Variants in NEK6 observed in about 807,000 individuals in gnomAD.
NEK6 encodes NIMA related kinase 6.
A neutral mutation model predicts 43.5 loss-of-function variants in NEK6; 27 were observed. That is an observed-to-expected ratio of 0.62 (90% CI 0.46 to 0.86). The LOEUF (loss-of-function observed/expected upper bound fraction) is 0.86. NEK6 is among the 40% of genes least tolerant of loss of function. The pLI is 0.00. For synonymous variants in NEK6, 167 were observed against 164.1 expected (o/e 1.02, Z -0.14); for missense variants, 318 against 414.4 (o/e 0.77, Z 2.02).
At chr9:124,264,521 AC>A (rs768606310) in intron 1 of NEK6, among the ~76,000 whole-genome samples, 1 of 152,224 alleles carries the variant, frequency 6.6e-6, no homozygotes, top group Non-Finnish European at 1.5e-5. Context: ...TGTAAAAATC[AC>A]AAAGACCAGG....
chr9:124,303,149 G>A (rs1833083323), intron 2 of NEK6, among the ~76,000 whole-genome samples: 1 of 152,248 alleles, frequency 6.6e-6, no homozygotes, highest in Admixed American at 6.5e-5. Flanking sequence ...CAGAGAGCTT[G>A]TCTGGGCAGG....
intron 2 of NEK6, among the ~76,000 whole-genome samples, chr9:124,304,406 C>T (rs1182685650): frequency 6.6e-6 from 1 of 152,212 alleles, no homozygotes; most frequent in Non-Finnish European, 1.5e-5. Context: ...CCGCACCCAG[C>T]TCTCCGTCTC....
chr9:124,263,716 A>G (rs2118865102), intron 1 of NEK6, among the ~76,000 whole-genome samples: 1 of 152,322 alleles, frequency 6.6e-6, no homozygotes, highest in South Asian at 2.1e-4. Context: ...ACCCCTCTGG[A>G]TTCCACCAGA....
Position 124,350,391 on chromosome 9 carries a change from C to T in NEK6, c.832-446C>T, listed in dbSNP as rs1224639994. 3.1e-5 allele frequency among the ~76,000 whole-genome samples: 4 copies of T among 127,650 alleles called. No homozygotes were observed. In the Admixed American group the frequency reaches 3.2e-4, roughly 10 times the overall value. 83.7% of individuals were successfully genotyped at this position (127,650 alleles called of 152,430 possible). On this transcript the variant is annotated intron_variant, in intron 9 of 9. Transcript: ENST00000320246. ...TCTTTCATGAGCACAATAAAGGGGC[C>T]GGGGGTGGGCAGACTGCAGCCCTGC...
intron 4 of NEK6, among the ~76,000 whole-genome samples, chr9:124,317,779 A>G (rs546037850): frequency 1.3e-5 from 2 of 152,290 alleles, no homozygotes; most frequent in South Asian, 2.1e-4. Context: ...CATGCAGTAT[A>G]GATATGTTTC....
At chr9:124,260,149 C>T (rs1339904307) in intron 1 of NEK6, among the ~76,000 whole-genome samples, 1 of 152,110 alleles carries the variant, frequency 6.6e-6, no homozygotes, top group Non-Finnish European at 1.5e-5. Context: ...GGGCAGAATC[C>T]GAAGTCACCT....
chr9:124,331,424 A>T (rs1828993298), intron 7 of NEK6, among the ~76,000 whole-genome samples: 1 of 151,886 alleles, frequency 6.6e-6, no homozygotes, highest in African/African-American at 2.4e-5. Context: ...CCCACGGGAA[A>T]TCAGCTCAAG....
intron 1 of NEK6, among the ~76,000 whole-genome samples, chr9:124,288,965 G>A (rs1832279419): frequency 1.3e-5 from 2 of 152,090 alleles, no homozygotes; most frequent in South Asian, 4.1e-4. Context: ...GTACATTGGG[G>A]TTTTTTGGTT....
At chr9:124,294,910 A>C (rs564383540) in intron 1 of NEK6, among the ~76,000 whole-genome samples, 19 of 152,340 alleles carry the variant, frequency 1.2e-4, no homozygotes, top group African/African-American at 4.6e-4. Flanking sequence ...CAAGGCCAGC[A>C]CAGAGTGGAG....
At chr9:124,319,352 A>T (rs754095896) in intron 4 of NEK6, among the ~76,000 whole-genome samples, 1 of 151,874 alleles carries the variant, frequency 6.6e-6, no homozygotes, top group African/African-American at 2.4e-5. Context: ...TCTGGACATT[A>T]GTCCTTTGTC....
intron 1 of NEK6, chr9:124,262,794 G>A (rs2282086): frequency 0.15 from 22,229 of 152,286 alleles, 1,722 homozygotes; most frequent in East Asian, 0.18. Flanking sequence ...TAAGAAAAAA[G>A]GGGCTTTATG....
intron 4 of NEK6, among the ~76,000 whole-genome samples, chr9:124,314,507 T>G (rs1394764743): frequency 6.6e-6 from 1 of 151,764 alleles, no homozygotes; most frequent in Non-Finnish European, 1.5e-5. Context: ...GGTTTTTTTT[T>G]TATTTTAGAG....
At chr9:124,293,673 G>A (rs930628118) in intron 1 of NEK6, among the ~76,000 whole-genome samples, 3 of 152,186 alleles carry the variant, frequency 2.0e-5, no homozygotes, top group Admixed American at 6.5e-5. Context: ...AGGTTTCTTG[G>A]GGTTGCAGGA....
At chr9:124,257,665 A>AGAC (rs1334620372), upstream of NEK6, 6 of 1,526,688 alleles carry the variant, frequency 3.9e-6, no homozygotes, top group Admixed American at 1.2e-4. Flanking sequence ...GGCTGACTGC[A>AGAC]GACCCTCATC....
intron 1 of NEK6, among the ~76,000 whole-genome samples, chr9:124,288,328 G>A (rs1045302254): frequency 1.3e-5 from 2 of 152,102 alleles, no homozygotes; most frequent in Non-Finnish European, 1.5e-5. Context: ...GTGCAGTGGC[G>A]CGACCTCAAT....
At chr9:124,337,747 G>A (rs536539797) in intron 7 of NEK6, among the ~76,000 whole-genome samples, 1 of 152,286 alleles carries the variant, frequency 6.6e-6, no homozygotes, top group African/African-American at 2.4e-5. Context: ...GCACTCATTT[G>A]GGCATCTACC....
intron 1 of NEK6, among the ~76,000 whole-genome samples, chr9:124,290,115 C>T (rs1440476792): frequency 1.3e-5 from 2 of 152,246 alleles, no homozygotes; most frequent in East Asian, 1.9e-4. Flanking sequence ...GGTGGTAGGA[C>T]TGGGCAAAGA....
chr9:124,351,881 A>AAAAT lies in NEK6; in HGVS notation c.*936_*939dup, dbSNP rs946098790. ...ATTGCTGACAGACAGAATTTGAAAT[A>AAAAT]AAATATGCAAGTTAGCTAATACAAA... On this transcript the variant is annotated 3_prime_UTR_variant, in exon 10 of 10. Transcript: ENST00000320246. 8 of 152,510 alleles carry AAAAT rather than the reference A, an allele frequency of 5.2e-5. No homozygotes were observed. Among genetic ancestry groups the AAAAT allele is most frequent in the African/African-American group, 1.9e-4 (8 of 41,450 alleles). The allele number at this position is 152,510 out of a possible 1,614,324, so 9.4% of individuals were successfully genotyped here. A position where few individuals can be genotyped will look rare whatever the true frequency, so the allele number is the denominator to read the frequency against.
At chr9:124,276,584 G>T (rs1208443495) in intron 1 of NEK6, among the ~76,000 whole-genome samples, 1 of 152,236 alleles carries the variant, frequency 6.6e-6, no homozygotes, top group African/African-American at 2.4e-5. Context: ...TCTATGTGTG[G>T]CTGGAGTGTG....
Sources: allele counts gnomAD v4.1 joint callset (sites outside exome capture counted in the v4.1 genomes callset), GRCh38; gene constraint gnomAD v4.1.1; transcripts MANE v1.5; gene names NCBI Gene and HGNC (gene_info 2026-07-23, HGNC 2026-07-21).